PTPRD: variants seen among roughly 807,000 people sequenced by gnomAD.
The protein encoded by PTPRD is protein tyrosine phosphatase receptor type D.
In PTPRD, 34 loss-of-function variants were observed where a neutral mutation model predicts 214.5. The ratio of observed to expected loss-of-function variants is 0.16; its 90% CI spans 0.12 to 0.21. The LOEUF (loss-of-function observed/expected upper bound fraction) is 0.21. Among genes scored for constraint, PTPRD ranks in the 10% least tolerant of loss-of-function variants. PTPRD has a pLI of 1.00. For synonymous variants in PTPRD, 1,128 were observed against 845.7 expected, an observed-to-expected ratio of 1.33 and a Z score of -5.79; for missense variants, 2,545 against 2,398.7, an observed-to-expected ratio of 1.06 and a Z score of -1.27.
intron 2 of PTPRD, among the ~76,000 whole-genome samples, chr9:10,557,915 G>C (rs1021938471): frequency 6.6e-6 from 1 of 151,946 alleles, no homozygotes; most frequent in African/African-American, 2.4e-5. Context: ...GTTTTAATGA[G>C]CCTGTGACCT....
intron 2 of PTPRD, among the ~76,000 whole-genome samples, chr9:10,396,450 G>A (rs1255230081): frequency 1.3e-5 from 2 of 151,980 alleles, no homozygotes; most frequent in Middle Eastern, 3.4e-3. Flanking sequence ...TGATTATTTA[G>A]GATCTAATTA....
intron 2 of PTPRD, among the ~76,000 whole-genome samples, chr9:10,354,653 A>T (rs2097241890): frequency 6.6e-6 from 1 of 152,192 alleles, no homozygotes; most frequent in East Asian, 1.9e-4. Flanking sequence ...CTTGTTTTAA[A>T]ATACCTTATC....
At chr9:9,738,740 C>A (rs899838306) in intron 6 of PTPRD, among the ~76,000 whole-genome samples, 1 of 152,084 alleles carries the variant, frequency 6.6e-6, no homozygotes, top group African/African-American at 2.4e-5. Flanking sequence ...CCACACCTGA[C>A]CTCTTTGCTC....
At chr9:8,433,929 A>C (rs1385941191) in intron 35 of PTPRD, among the ~76,000 whole-genome samples, 1 of 152,106 alleles carries the variant, frequency 6.6e-6, no homozygotes, top group African/African-American at 2.4e-5. Context: ...AGCAACTAAA[A>C]GTCTTGCAAG....
rs551401127 is a variant in PTPRD at position 10,482,187 on chromosome 9, C to T, written c.-600+130211G>A. Reference sequence around the variant, plus strand: ...GAGATTGAGACCAGCCCGGCTAACACAGTGAAACCCCATCTCTACTAAAAA... The same window carrying T: ...GAGATTGAGACCAGCCCGGCTAACATAGTGAAACCCCATCTCTACTAAAAA... On this transcript the variant is annotated intron_variant, in intron 2 of 45. Coordinates refer to ENST00000381196, the MANE Select transcript of PTPRD (RefSeq NM_002839.4). Among the ~76,000 whole-genome samples the T allele has an allele frequency of 4.2e-4, 64 of 151,862 alleles. 1 individual carries two copies. The highest frequency in any genetic ancestry group is 9.8e-4 in the Admixed American group (15 of 15,244).
chr9:8,340,043 G>GT (rs1213934247), intron 42 of PTPRD, among the ~76,000 whole-genome samples: 2 of 152,208 alleles, frequency 1.3e-5, no homozygotes, highest in East Asian at 3.9e-4. Context: ...ACAAAAGGCA[G>GT]TAAGAATATG....
intron 8 of PTPRD, among the ~76,000 whole-genome samples, chr9:9,565,581 A>C (rs2084266178): frequency 6.6e-6 from 1 of 151,916 alleles, no homozygotes; most frequent in Non-Finnish European, 1.5e-5. Context: ...AATGCTTTTA[A>C]TATTTTTAAC....
chr9:9,744,005 C>A (rs1323780719), intron 6 of PTPRD, among the ~76,000 whole-genome samples: 1 of 152,078 alleles, frequency 6.6e-6, no homozygotes, highest in African/African-American at 2.4e-5. Context: ...TCTGAGTGGG[C>A]AGCATCTTGA....
At chr9:10,162,701 A>C (rs907392765) in intron 3 of PTPRD, among the ~76,000 whole-genome samples, 12 of 146,984 alleles carry the variant, frequency 8.2e-5, no homozygotes, top group Non-Finnish European at 1.5e-4. Context: ...ATATATATAC[A>C]TATACACGTA....
chr9:10,269,426 A>T (rs2094294904), intron 3 of PTPRD, among the ~76,000 whole-genome samples: 1 of 152,214 alleles, frequency 6.6e-6, no homozygotes, highest in South Asian at 2.1e-4. Context: ...AGTTTTAAAC[A>T]GTAAGAAGTG....
At chr9:10,411,290 C>T (rs547273209) in intron 2 of PTPRD, among the ~76,000 whole-genome samples, 19 of 151,786 alleles carry the variant, frequency 1.3e-4, no homozygotes, top group African/African-American at 4.6e-4. Context: ...ACTTGGCAAC[C>T]AAAATCCTTT....
intron 5 of PTPRD, among the ~76,000 whole-genome samples, chr9:9,850,105 C>T (rs2060260197): frequency 6.6e-6 from 1 of 152,086 alleles, no homozygotes; most frequent in Admixed American, 6.6e-5. Context: ...CCAGATCCAC[C>T]ACCCAAATCA....
At chr9:8,384,589 G>A (rs1321799668) in intron 37 of PTPRD, among the ~76,000 whole-genome samples, 1 of 152,148 alleles carries the variant, frequency 6.6e-6, no homozygotes, top group Non-Finnish European at 1.5e-5. Context: ...GTACAATGGT[G>A]CAATCTTGGC....
chr9:10,132,875 T>A (rs1206819982), intron 3 of PTPRD, among the ~76,000 whole-genome samples: 2 of 152,176 alleles, frequency 1.3e-5, no homozygotes, highest in African/African-American at 4.8e-5. Flanking sequence ...CTGGTGTTTA[T>A]GCCCTTATGC....
chr9:10,247,492 A>G (rs2154366812), intron 3 of PTPRD, among the ~76,000 whole-genome samples: 1 of 152,324 alleles, frequency 6.6e-6, no homozygotes. Context: ...TTCATAATTT[A>G]CACACACATT....
chr9:9,930,354 A>T (rs945042106), intron 5 of PTPRD, among the ~76,000 whole-genome samples: 2 of 152,230 alleles, frequency 1.3e-5, no homozygotes, highest in African/African-American at 4.8e-5. Context: ...GGACCTGGAA[A>T]CCACAGTCTA....
intron 11 of PTPRD, among the ~76,000 whole-genome samples, chr9:8,747,733 G>C (rs899254710): frequency 4.6e-5 from 7 of 152,032 alleles, no homozygotes; most frequent in Non-Finnish European, 8.8e-5. Flanking sequence ...GCTAACCAAT[G>C]GAAATTACTT....
intron 11 of PTPRD, among the ~76,000 whole-genome samples, chr9:8,822,159 G>A (rs1172070971): frequency 6.6e-6 from 1 of 152,086 alleles, no homozygotes. Context: ...ATGCACAAGG[G>A]GCTACACCCT....
At chr9:8,633,524 C>T (rs2096322523) in intron 13 of PTPRD, 66 bp from the exon 14 acceptor site, 2 of 1,568,582 alleles carry the variant, frequency 1.3e-6, no homozygotes, top group South Asian at 1.2e-5. Context: ...CTAAAGCTCT[C>T]AATACAGTGG....
Sources: gnomAD v4.1 joint callset for allele counts (sites outside exome capture counted in the v4.1 genomes callset) on GRCh38, gnomAD v4.1.1 for gene constraint, MANE v1.5 for transcripts, NCBI Gene and HGNC (gene_info 2026-07-23, HGNC 2026-07-21) for gene names.